TMPRSS15: variants seen among roughly 807,000 people sequenced by gnomAD.
TMPRSS15 encodes the protein transmembrane serine protease 15.
Under a neutral mutation model 125.3 loss-of-function variants are expected in TMPRSS15, and 128 were observed. The observed-to-expected ratio is 1.02, with a 90% confidence interval of 0.89 to 1.18. TMPRSS15 has a LOEUF of 1.18. Among genes scored for constraint, TMPRSS15 ranks in the 50% most tolerant of loss-of-function variants. The probability of loss-of-function intolerance (pLI) is 0.00; values close to 1 mark genes in which losing one functional copy is unlikely to be tolerated. For synonymous variants in TMPRSS15, 446 were observed against 423.2 expected (o/e 1.05, Z -0.66); for missense variants, 1,283 against 1,212.7 (o/e 1.06, Z -0.86).
At chr21:18,305,010 T>G (rs2075015417) in intron 18 of TMPRSS15, among the ~76,000 whole-genome samples, 1 of 151,980 alleles carries the variant, frequency 6.6e-6, no homozygotes, top group Non-Finnish European at 1.5e-5. Context: ...CTGACAAAAG[T>G]ACCTATGACA....
intron 18 of TMPRSS15, among the ~76,000 whole-genome samples, chr21:18,301,462 C>T (rs919631621): frequency 6.6e-6 from 1 of 152,048 alleles, no homozygotes; most frequent in Non-Finnish European, 1.5e-5. Flanking sequence ...TTTTGAAAGA[C>T]AAAAATCTCA....
At position 18,341,510 on chromosome 21, in the gene TMPRSS15, A is replaced by G. The variant is rs1401297766; in HGVS notation, c.1467T>C (p.Asp489=). The G allele has an allele frequency of 6.2e-7, 1 of 1,614,184 alleles. No homozygotes were observed. Among genetic ancestry groups the G allele is most frequent in the East Asian group, 2.2e-5 (1 of 44,884 alleles). ...FNAFKNKILS[D]IALDDISLTY... ...TTAGGCTAATGTCATCCAACGCAATATCACTCAGGATCTTGTTTTTAAAAG... is the reference window on the plus strand; with the variant it reads ...TTAGGCTAATGTCATCCAACGCAATGTCACTCAGGATCTTGTTTTTAAAAG... Residue 489 remains aspartate (D), a synonymous_variant, in exon 13 of 25, where the codon GAT becomes GAC. Transcript: ENST00000284885.
chr21:18,480,182 G>A (rs1201302581), intron 1 of TMPRSS15, among the ~76,000 whole-genome samples: 1 of 151,946 alleles, frequency 6.6e-6, no homozygotes, highest in African/African-American at 2.4e-5. Context: ...AGTGGGAGCT[G>A]AATATTTCTT....
chr21:18,471,064 T>G (rs1049595873), intron 1 of TMPRSS15, among the ~76,000 whole-genome samples: 5 of 152,188 alleles, frequency 3.3e-5, no homozygotes, highest in Admixed American at 1.3e-4. Flanking sequence ...CACCATTTTA[T>G]ACTGTGAAAC....
intron 21 of TMPRSS15, among the ~76,000 whole-genome samples, chr21:18,293,910 A>G (rs1479312353): frequency 6.6e-6 from 1 of 152,234 alleles, no homozygotes; most frequent in Non-Finnish European, 1.5e-5. Context: ...AATATTGGAC[A>G]AATTGAATGG....
intron 1 of TMPRSS15, among the ~76,000 whole-genome samples, chr21:18,464,932 C>T (rs1237697791): frequency 6.6e-6 from 1 of 152,112 alleles, no homozygotes; most frequent in East Asian, 1.9e-4. Context: ...CATCCTTTTA[C>T]CAAAACCTGG....
At position 18,395,746 on chromosome 21, in the gene TMPRSS15, G is replaced by T. The variant is rs1280407453; in HGVS notation, c.344+2133C>A. ...AAGACATAAACCTTAAATATCAATGGACAATGTAGACAAGAAAACTGTAAT... is the reference window on the plus strand; with the variant it reads ...AAGACATAAACCTTAAATATCAATGTACAATGTAGACAAGAAAACTGTAAT... On this transcript the variant is annotated intron_variant, in intron 3 of 24. Transcript: ENST00000284885. Among the ~76,000 whole-genome samples the T allele has an allele frequency of 3.9e-5, 6 of 152,148 alleles. No homozygotes were observed. The East Asian group carries it at 1.2e-3, about 29-fold the overall frequency.
At chr21:18,321,598 G>T (rs3787584) in intron 16 of TMPRSS15, among the ~76,000 whole-genome samples, 26,471 of 152,004 alleles carry the variant, frequency 0.17, 2,252 homozygotes, top group East Asian at 0.2. Context: ...CGATCCGCCC[G>T]CCTTGGCCTC....
chr21:18,315,802 C>A (rs573372509), intron 16 of TMPRSS15, among the ~76,000 whole-genome samples: 18 of 144,866 alleles, frequency 1.2e-4, no homozygotes, highest in Non-Finnish European at 2.1e-4. Context: ...ATGTAACAAA[C>A]CTGCACGTTG....
chr21:18,462,491 A>G (rs1978569924), intron 1 of TMPRSS15, among the ~76,000 whole-genome samples: 1 of 152,134 alleles, frequency 6.6e-6, no homozygotes, highest in Non-Finnish European at 1.5e-5. Flanking sequence ...TCAAGCAAAT[A>G]TTGAGTTTGT....
chr21:18,337,677 CTG>C (rs1041266218), intron 13 of TMPRSS15, among the ~76,000 whole-genome samples: 1 of 152,142 alleles, frequency 6.6e-6, no homozygotes, highest in African/African-American at 2.4e-5. Flanking sequence ...AGGGAGGAAA[CTG>C]AGCGTTATTA....
chr21:18,460,755 A>T (rs1376226646), intron 1 of TMPRSS15: 1 of 152,232 alleles, frequency 6.6e-6, no homozygotes, highest in Non-Finnish European at 1.5e-5. Flanking sequence ...ACTCATCCAC[A>T]TAATGAAGGA....
At chr21:18,308,913 G>A (rs2075065653) in intron 18 of TMPRSS15, among the ~76,000 whole-genome samples, 1 of 152,184 alleles carries the variant, frequency 6.6e-6, no homozygotes, top group African/African-American at 2.4e-5. Flanking sequence ...GCCTGCAAAG[G>A]ACATGAACTT....
intron 23 of TMPRSS15, among the ~76,000 whole-genome samples, chr21:18,276,617 T>C (rs958641912): frequency 3.3e-5 from 5 of 152,170 alleles, no homozygotes; most frequent in South Asian, 2.1e-4. Context: ...TAAAGGAACA[T>C]TTGAGCAGTG....
intron 3 of TMPRSS15, among the ~76,000 whole-genome samples, chr21:18,386,756 G>T (rs558946116): frequency 2.3e-4 from 35 of 152,170 alleles, no homozygotes; most frequent in South Asian, 1.2e-3. Flanking sequence ...ATCTTTGGTT[G>T]CAGACCAGAA....
At chr21:18,284,817 A>AT (rs977411859) in intron 21 of TMPRSS15, among the ~76,000 whole-genome samples, 21 of 152,264 alleles carry the variant, frequency 1.4e-4, no homozygotes, top group African/African-American at 5.1e-4. Context: ...CCTGGCCAAC[A>AT]TGGTGAAACC....
At chr21:18,401,838 G>A (rs1267734657) in intron 1 of TMPRSS15, among the ~76,000 whole-genome samples, 1 of 152,114 alleles carries the variant, frequency 6.6e-6, no homozygotes, top group African/African-American at 2.4e-5. Flanking sequence ...CTGTTAAACA[G>A]TATTATCACT....
chr21:18,337,244 A>T (rs1330691190), intron 13 of TMPRSS15, among the ~76,000 whole-genome samples: 1 of 152,198 alleles, frequency 6.6e-6, no homozygotes, highest in Admixed American at 6.5e-5. Context: ...GGCTTTAAAA[A>T]TGGTGAAATA....
chr21:18,474,133 TTA>T (rs199931809), intron 1 of TMPRSS15, among the ~76,000 whole-genome samples: 12 of 151,858 alleles, frequency 7.9e-5, no homozygotes, highest in Middle Eastern at 6.8e-3. Context: ...TCCATATATG[TTA>T]TATATATATA....
Sources: allele counts gnomAD v4.1 joint callset (sites outside exome capture counted in the v4.1 genomes callset), GRCh38; gene constraint gnomAD v4.1.1; transcripts MANE v1.5; gene names NCBI Gene and HGNC (gene_info 2026-07-23, HGNC 2026-07-21).